Variants in SATL1 observed in about 807,000 individuals in gnomAD.
SATL1 encodes the protein spermidine/spermine N(1)-acetyltransferase-like protein 1.
In SATL1, 47 loss-of-function variants were observed where a neutral mutation model predicts 51.8. That is an observed-to-expected ratio of 0.91 (90% CI 0.72 to 1.16). SATL1 has a LOEUF of 1.16. Ranked by LOEUF, SATL1 falls within the 50% of genes most tolerant of loss-of-function variation. The pLI is 0.00. For missense variants in SATL1, 520 were observed against 526.4 expected (o/e 0.99, Z 0.12); for synonymous variants, 176 against 182.4 (o/e 0.97, Z 0.28).
intron 2 of SATL1, among the ~76,000 whole-genome samples, chrX:85,123,948 G>T (rs895206356): frequency 1.8e-5 from 2 of 111,429 alleles, no homozygotes; most frequent in Admixed American, 1.9e-4. Flanking sequence ...GAGGGTAAAT[G>T]ATTTGGGGTT....
At chrX:85,163,321 T>C (rs971871014) in intron 2 of SATL1, among the ~76,000 whole-genome samples, 2 of 110,817 alleles carry the variant, frequency 1.8e-5, no homozygotes, top group Admixed American at 9.7e-5. Flanking sequence ...TGTAATTTAT[T>C]CTTGTTTCCC....
chrX:85,143,277 A>C (rs952347536), intron 2 of SATL1: 7 of 111,886 alleles, frequency 6.3e-5, no homozygotes, highest in African/African-American at 2.3e-4. Flanking sequence ...GTTAACTGGT[A>C]ATTTATACAT....
chrX:85,152,833 G>C (rs191392670), intron 2 of SATL1, among the ~76,000 whole-genome samples: 1,744 of 110,311 alleles, frequency 0.016, 30 homozygotes, highest in African/African-American at 0.054. Flanking sequence ...GGGGGTAGTG[G>C]GGAGGGATAG....
chrX:85,146,751 C>T (rs186495146), intron 2 of SATL1, among the ~76,000 whole-genome samples: 7 of 112,760 alleles, frequency 6.2e-5, no homozygotes, highest in Admixed American at 5.6e-4. Flanking sequence ...ACTATATGAA[C>T]AATTCTTGCC....
At chrX:85,109,692 T>A (rs1324981640) in intron 2 of SATL1, among the ~76,000 whole-genome samples, 1 of 111,968 alleles carries the variant, frequency 8.9e-6, no homozygotes, top group Non-Finnish European at 1.9e-5. Flanking sequence ...AAGTCTCGAA[T>A]GCAGATACTA....
chrX:85,151,356 A>G (rs936493293), intron 2 of SATL1, among the ~76,000 whole-genome samples: 2 of 111,752 alleles, frequency 1.8e-5, no homozygotes, highest in Admixed American at 9.5e-5. Context: ...GCTCATGGGT[A>G]GGAAGAATCA....
chrX:85,242,039 TA>T (rs1928611727), intron 1 of SATL1, among the ~76,000 whole-genome samples: 1 of 111,757 alleles, frequency 8.9e-6, no homozygotes, highest in Non-Finnish European at 1.9e-5. Context: ...TGATGTTAGG[TA>T]AAAGGGGGAT....
chrX:85,139,841 T>C (rs1926065132), intron 2 of SATL1, among the ~76,000 whole-genome samples: 1 of 111,767 alleles, frequency 8.9e-6, no homozygotes, highest in South Asian at 3.7e-4. Flanking sequence ...CAACCTGCCT[T>C]TTAAAAATAT....
In SATL1 at chrX:85,108,470, C is replaced by T. The variant is rs753005203; in HGVS notation, c.499G>A (p.Gly167Ser). Residue 167 changes from glycine to serine, a missense_variant, in exon 3 of 8, where the codon GGC (glycine) becomes AGC (serine). Gly to Ser is a moderately conservative substitution (Grantham distance 56). Transcript: ENST00000644105. ...TGCCATGTGCCTGGTTGGCTCATGC[C>T]TATTTGGCTTGTGCCTAATTGGCTG... ...GTSQLGTSQI[G>S]MSQPGTWQTG... The T allele has an allele frequency of 7.4e-6, 9 of 1,210,381 alleles. No individual in the cohort carries two copies. The highest frequency in any genetic ancestry group is 7.0e-5 in the African/African-American group (4 of 57,245).
intron 2 of SATL1, among the ~76,000 whole-genome samples, chrX:85,183,087 C>T (rs1305771666): frequency 2.7e-5 from 3 of 111,030 alleles, no homozygotes; most frequent in African/African-American, 9.8e-5. Context: ...CAGTTTGATC[C>T]CATTTGTTTA....
chrX:85,186,569 C>T (rs1031622778), intron 2 of SATL1, among the ~76,000 whole-genome samples: 2 of 111,528 alleles, frequency 1.8e-5, no homozygotes, highest in Non-Finnish European at 3.8e-5. Context: ...GGTCTAAATG[C>T]TCCCTCTGTG....
At chrX:85,166,941 ATGTGTGTGTGTGTGTGTGTGTG>A (rs60077558) in intron 2 of SATL1, among the ~76,000 whole-genome samples, 1 of 77,593 alleles carries the variant, frequency 1.3e-5, no homozygotes, top group Non-Finnish European at 2.6e-5. Flanking sequence ...ATATATGTGT[ATGTGTGTGTGTGTGTGTGTGTG>A]TGTGTGTGTG....
chrX:85,169,079 A>T (rs968433306), intron 2 of SATL1, among the ~76,000 whole-genome samples: 1 of 112,118 alleles, frequency 8.9e-6, no homozygotes, highest in African/African-American at 3.2e-5. Flanking sequence ...CATGCAGAAG[A>T]CTAACTGGAT....
At chrX:85,180,319 A>G (rs868147766) in intron 2 of SATL1, among the ~76,000 whole-genome samples, 6 of 110,831 alleles carry the variant, frequency 5.4e-5, no homozygotes, top group African/African-American at 2.0e-4. Flanking sequence ...TGTTCTGAGA[A>G]TGCACCATTA....
intron 2 of SATL1, among the ~76,000 whole-genome samples, chrX:85,111,826 T>C: frequency 8.9e-6 from 1 of 111,805 alleles, no homozygotes; most frequent in Non-Finnish European, 1.9e-5. Flanking sequence ...CCCTCAGAGA[T>C]CTATAATACA....
chrX:85,163,704 A>C (rs1476288794), intron 2 of SATL1, among the ~76,000 whole-genome samples: 1 of 111,616 alleles, frequency 9.0e-6, no homozygotes, highest in Non-Finnish European at 1.9e-5. Flanking sequence ...AGAATGTTCC[A>C]TGTGCTGATG....
chrX:85,220,006 G>GAA (rs35859225), intron 2 of SATL1, among the ~76,000 whole-genome samples: 11 of 80,267 alleles, frequency 1.4e-4, no homozygotes, highest in African/African-American at 2.7e-4. Flanking sequence ...TGAAGAGATA[G>GAA]AAAAAAAAAA....
At chrX:85,103,662 G>T (rs1924955344) in intron 4 of SATL1, among the ~76,000 whole-genome samples, 1 of 111,555 alleles carries the variant, frequency 9.0e-6, no homozygotes, top group African/African-American at 3.3e-5. Flanking sequence ...GAGCTGTAAA[G>T]GTGTAAGAGC....
intron 2 of SATL1, among the ~76,000 whole-genome samples, chrX:85,118,816 G>A (rs957780138): frequency 9.0e-6 from 1 of 110,966 alleles, no homozygotes; most frequent in Non-Finnish European, 1.9e-5. Context: ...TAATTAGCTT[G>A]ATTTAGCCAT....
Sources: gnomAD v4.1 joint callset for allele counts (sites outside exome capture counted in the v4.1 genomes callset) on GRCh38, gnomAD v4.1.1 for gene constraint, MANE v1.5 for transcripts, NCBI Gene and HGNC (gene_info 2026-07-23, HGNC 2026-07-21) for gene names.